The following DNMT3A variants were observed in gnomAD, a reference collection of about 807,000 sequenced individuals.
DNMT3A encodes DNA (cytosine-5)-methyltransferase 3A.
A neutral mutation model predicts 117.6 loss-of-function variants in DNMT3A; 267 were observed. That is an observed-to-expected ratio of 2.27 (90% CI 2.05 to 2.51). DNMT3A has a LOEUF of 2.51. DNMT3A is among the 30% of genes most tolerant of loss of function. DNMT3A has a pLI of 0.00. For missense variants in DNMT3A, 1,029 were observed against 1,260.2 expected (o/e 0.82, Z 2.78); for synonymous variants, 432 against 474.8 (o/e 0.91, Z 1.17).
In DNMT3A at chr2:25,313,821, T is replaced by C. The variant is rs922553291; in HGVS notation, c.72+92A>G. 28 of 1,517,804 alleles carry C rather than the reference T, an allele frequency of 1.8e-5. No individual in the cohort carries two copies. The African/African-American group carries it at 2.9e-4, about 16-fold the overall frequency. The allele number at this position is 1,517,804 out of a possible 1,614,324, so 94.0% of individuals were successfully genotyped here. ...TCGTGAGCACTGAGTGATGCGGTCA[T>C]GCACTCAGTATGAGGAGCCGGCTGT... On this transcript the variant is annotated intron_variant, in intron 2 of 22. Coordinates refer to ENST00000321117, the MANE Select transcript of DNMT3A (RefSeq NM_022552.5).
rs1674425484 is a variant in DNMT3A at position 25,244,151 on chromosome 2, T to G, written c.1851+4A>C. 1.2e-6 allele frequency: 2 copies of G among 1,613,770 alleles called. No homozygotes were observed. Among genetic ancestry groups the G allele is most frequent in the Non-Finnish European group, 1.7e-6 (2 of 1,180,008 alleles). On this transcript the variant is annotated splice_donor_region_variant and intron_variant, in intron 15 of 22. Transcript: ENST00000321117. ...CGAGACCGCGCCCCAGGCCCAGCAC[T>G]CACAAATTCCTGGTCGTGGTTATTA...
At chr2:25,301,779 T>C (rs1324266833) in intron 2 of DNMT3A, among the ~76,000 whole-genome samples, 1 of 152,146 alleles carries the variant, frequency 6.6e-6, no homozygotes, top group East Asian at 1.9e-4. Flanking sequence ...CAAAGATGGC[T>C]TTTGGGCCCT....
At chr2:25,342,148 G>A (rs1389883035), upstream of DNMT3A, among the ~76,000 whole-genome samples, 7 of 144,854 alleles carry the variant, frequency 4.8e-5, no homozygotes, top group Non-Finnish European at 1.1e-4. This position sits in a 1 kb window ranked among gnomAD's most constrained non-coding sequence, Gnocchi z 5.9. Context: ...TGCGGAGCCG[G>A]CCCGGGAGGC....
Position 25,240,705 on chromosome 2 carries a change from A to C in DNMT3A, c.2108T>G (p.Leu703Arg). 1 of 1,614,216 alleles carries C rather than the reference A, an allele frequency of 6.2e-7. No individual in the cohort carries two copies. Among genetic ancestry groups the C allele is most frequent in the Non-Finnish European group, 8.5e-7 (1 of 1,180,030 alleles). Residue 703 changes from leucine (L) to arginine (R), a missense_variant, in exon 18 of 23, where the codon CTG becomes CGG. Leu to Arg is a moderately radical substitution (Grantham distance 102, BLOSUM62 -2). Coordinates refer to ENST00000321117, the MANE Select transcript of DNMT3A (RefSeq NM_022552.5). ...ATTGCAGGGACTGCCCCCAATCACC[A>C]GATCGAATGGGCCCCACTCCTGGAT... Reference protein sequence around the residue: ...KHIQEWGPFDLVIGGSPCNDL... With the variant: ...KHIQEWGPFDRVIGGSPCNDL...
At chr2:25,323,156 T>C (rs182835778) in intron 1 of DNMT3A, among the ~76,000 whole-genome samples, 159 of 152,254 alleles carry the variant, frequency 1.0e-3, no homozygotes, top group African/African-American at 3.7e-3. Context: ...GGAACCTTTT[T>C]ATCGATGCGA....
At position 25,282,472 on chromosome 2, in the gene DNMT3A, G is replaced by A. The variant is rs755836757; in HGVS notation, c.417C>T (p.Pro139=). 1 of 1,613,034 alleles carries A rather than the reference G, an allele frequency of 6.2e-7. No individual in the cohort carries two copies. Among genetic ancestry groups the A allele is most frequent in the Non-Finnish European group, 8.5e-7 (1 of 1,179,866 alleles). The change falls in exon 4 of 23, where the codon CCC becomes CCT. Residue 139 remains proline, a synonymous_variant. Coordinates refer to ENST00000321117, the MANE Select transcript of DNMT3A (RefSeq NM_022552.5). This position sits in a 1 kb window ranked among gnomAD's most constrained non-coding sequence, Gnocchi z 5.2. The part of the protein sequence containing the change: ...SRAVENGCCT[P]KEGRGAPAEA... Reference sequence around the variant, plus strand: ...CTGCAGGGGCTCCTCGGCCCTCCTTGGGGGTGCAGCAGCCATTTTCCACTG... The same window carrying A: ...CTGCAGGGGCTCCTCGGCCCTCCTTAGGGGTGCAGCAGCCATTTTCCACTG...
chr2:25,248,624 T>C (rs1199730813), intron 6 of DNMT3A, among the ~76,000 whole-genome samples: 3 of 152,138 alleles, frequency 2.0e-5, no homozygotes, highest in African/African-American at 7.2e-5. Flanking sequence ...CTCGGCTCAC[T>C]GCAACCTCCA....
At chr2:25,340,820 G>A (rs1380082229) in intron 1 of DNMT3A, among the ~76,000 whole-genome samples, 1 of 120,396 alleles carries the variant, frequency 8.3e-6, no homozygotes, top group Non-Finnish European at 1.7e-5. Context: ...TCCCGGTCCC[G>A]GCCCCGCTAC....
intron 6 of DNMT3A, among the ~76,000 whole-genome samples, chr2:25,268,527 A>C (rs1467684310): frequency 6.6e-6 from 1 of 152,196 alleles, no homozygotes; most frequent in Non-Finnish European, 1.5e-5. Context: ...CAAGCCCTCC[A>C]TCAGAGTGCA....
In DNMT3A at chr2:25,239,504, T is replaced by C. The variant is rs886199449; in HGVS notation, c.2323-289A>G. 25 of 582,378 alleles carry C rather than the reference T, an allele frequency of 4.3e-5. No homozygotes were observed. The East Asian group carries it at 7.3e-4, about 17-fold the overall frequency. 36.1% of individuals were successfully genotyped at this position (582,378 alleles called of 1,614,324 possible). On this transcript the variant is annotated intron_variant, in intron 19 of 22. Coordinates refer to ENST00000321117, the MANE Select transcript of DNMT3A (RefSeq NM_022552.5). ...CCACTAGCCCACTAGTACAGGTGGCTATTTTGTACCTAAAATGAGGCCAAT... is the reference window on the plus strand; with the variant it reads ...CCACTAGCCCACTAGTACAGGTGGCCATTTTGTACCTAAAATGAGGCCAAT...
chr2:25,283,692 G>A (rs182616446), intron 3 of DNMT3A, among the ~76,000 whole-genome samples: 3 of 152,328 alleles, frequency 2.0e-5, no homozygotes, highest in Non-Finnish European at 1.5e-5. Flanking sequence ...CTGAGCACTG[G>A]GGTCTCTCAT....
At chr2:25,239,446 G>A (rs922761115) in intron 19 of DNMT3A, 10 of 624,178 alleles carry the variant, frequency 1.6e-5, no homozygotes, top group South Asian at 1.2e-4. Context: ...TTCTGCGATG[G>A]TGGGTTGTCC....
intron 2 of DNMT3A, among the ~76,000 whole-genome samples, chr2:25,309,586 G>T (rs769332622): frequency 2.6e-4 from 39 of 152,172 alleles, no homozygotes; most frequent in Non-Finnish European, 5.0e-4. Flanking sequence ...CCCCCTTCAC[G>T]CAGGAGACAG....
At chr2:25,244,515 C>T in intron 14 of DNMT3A, 25 bp downstream of exon 14, 2 of 1,612,126 alleles carry the variant, frequency 1.2e-6, no homozygotes, top group South Asian at 2.2e-5. Flanking sequence ...GCTAAGGAGA[C>T]CACTGGAGGC....
At chr2:25,274,619 T>G (rs1363938254) in intron 6 of DNMT3A, among the ~76,000 whole-genome samples, 3 of 152,216 alleles carry the variant, frequency 2.0e-5, no homozygotes, top group Non-Finnish European at 2.9e-5. Context: ...GAAGCCTGTC[T>G]TGACCACCCC....
intron 6 of DNMT3A, among the ~76,000 whole-genome samples, chr2:25,259,110 C>G (rs534059866): frequency 8.5e-5 from 13 of 152,206 alleles, no homozygotes; most frequent in Non-Finnish European, 1.9e-4. Flanking sequence ...AGTCCCAGCC[C>G]AATAGATGCG....
At chr2:25,287,532 C>T (rs934416053) in intron 3 of DNMT3A, among the ~76,000 whole-genome samples, 1 of 152,186 alleles carries the variant, frequency 6.6e-6, no homozygotes, top group Non-Finnish European at 1.5e-5. Flanking sequence ...GGCTTTTCCT[C>T]AGTCCTCTCC....
upstream of DNMT3A, chr2:25,341,950 T>A (rs1166172362): frequency 1.1e-6 from 1 of 882,446 alleles, no homozygotes; most frequent in African/African-American, 3.0e-5. Flanking sequence ...CCGGCCCGCC[T>A]GCCTGCCTCG....
chr2:25,264,809 A>G (rs2030138310), intron 6 of DNMT3A, among the ~76,000 whole-genome samples: 1 of 152,134 alleles, frequency 6.6e-6, no homozygotes, highest in Non-Finnish European at 1.5e-5. Flanking sequence ...TTTAGAAGAG[A>G]CGTATATGCG....
Sources: allele counts gnomAD v4.1 joint callset (sites outside exome capture counted in the v4.1 genomes callset), GRCh38; gene constraint gnomAD v4.1.1; non-coding constraint Gnocchi (gnomAD v3.1); transcripts MANE v1.5; gene names NCBI Gene and HGNC (gene_info 2026-07-23, HGNC 2026-07-21).